Variants in CIDEA observed in about 807,000 individuals in gnomAD.
CIDEA encodes cell death inducing DFFA like effector a.
Under a neutral mutation model 18.2 loss-of-function variants are expected in CIDEA, and 10 were observed. The observed-to-expected ratio is 0.55, with a 90% CI of 0.34 to 0.93. The LOEUF is 0.93. CIDEA is among the 40% of genes least tolerant of loss of function. The probability of loss-of-function intolerance (pLI) is 0.02; values close to 1 mark genes in which losing one functional copy is unlikely to be tolerated. For synonymous variants in CIDEA, 128 were observed against 124.8 expected (o/e 1.03, Z -0.17); for missense variants, 309 against 293.1 (o/e 1.05, Z -0.40).
At chr18:12,258,270 C>T (rs1231801829) in intron 1 of CIDEA, among the ~76,000 whole-genome samples, 2 of 152,138 alleles carry the variant, frequency 1.3e-5, no homozygotes, top group Non-Finnish European at 2.9e-5. Flanking sequence ...AGGTAAAGAC[C>T]GCAGGAACCT....
Position 12,254,956 on chromosome 18 carries a change from G to A in CIDEA, c.38+535G>A, listed in dbSNP as rs148680201. ...CCCAACCGTCCGGCGGAGCCCTCCA[G>A]GTTGGTGGTGCTGGGAGAAGCGCTC... On this transcript the variant is annotated intron_variant, in intron 1 of 4. Transcript: ENST00000320477. 3.3e-6 allele frequency: 4 copies of A among 1,216,058 alleles called. No homozygotes were observed. The African/African-American group carries it at 6.3e-5, about 19-fold the overall frequency. The allele number at this position is 1,216,058 out of a possible 1,614,324, so 75.3% of individuals were successfully genotyped here.
chr18:12,254,487 T>A, intron 1 of CIDEA, 66 bp downstream of exon 1: 1 of 1,566,834 alleles, frequency 6.4e-7, no homozygotes, highest in Non-Finnish European at 8.6e-7. Flanking sequence ...TGGCCTCATA[T>A]TCCCCTGTGC....
chr18:12,265,989 A>T (rs1912337697), intron 3 of CIDEA, among the ~76,000 whole-genome samples: 1 of 152,226 alleles, frequency 6.6e-6, no homozygotes, highest in South Asian at 2.1e-4. Flanking sequence ...AAGAAACATT[A>T]AAAATAATCT....
chr18:12,256,846 A>T (rs1028018201), intron 1 of CIDEA, among the ~76,000 whole-genome samples: 7 of 152,210 alleles, frequency 4.6e-5, no homozygotes, highest in Non-Finnish European at 1.0e-4. Flanking sequence ...CAAAGACTTC[A>T]TGGTCATGTA....
At chr18:12,264,805 T>G (rs922298987) in intron 3 of CIDEA, among the ~76,000 whole-genome samples, 19 of 152,208 alleles carry the variant, frequency 1.2e-4, no homozygotes, top group African/African-American at 4.1e-4. Context: ...CGCCCGCCTC[T>G]GCCTCCCAAA....
Position 12,254,436 on chromosome 18 carries a change from TC to T in CIDEA, c.38+20del. The T allele has an allele frequency of 1.9e-6, 3 of 1,595,740 alleles. No individual in the cohort carries two copies. Among genetic ancestry groups the T allele is most frequent in the African/African-American group, 1.3e-5 (1 of 74,904 alleles). ...GCCCTCATCAGGCGAGTGCCCCGCG[TC>T]CCCCTGATTGCCGTGCGCTTCCAAT... On this transcript the variant is annotated intron_variant, in intron 1 of 4. Transcript: ENST00000320477.
At chr18:12,255,048 A>G (rs903771143) in intron 1 of CIDEA, 1 of 787,550 alleles carries the variant, frequency 1.3e-6, no homozygotes, top group Non-Finnish European at 1.7e-6. Flanking sequence ...GGGCGGGTGG[A>G]CCCTGAGGAG....
intron 2 of CIDEA, 142 bp from the exon 3 acceptor site, chr18:12,264,164 CA>C: frequency 1.4e-6 from 1 of 708,128 alleles, no homozygotes; most frequent in South Asian, 2.7e-5. Flanking sequence ...GAGTCATAGA[CA>C]CAAGTCAAGG....
At chr18:12,254,507 A>G (rs1911957088) in intron 1 of CIDEA, 86 bp downstream of exon 1, 1 of 1,546,360 alleles carries the variant, frequency 6.5e-7, no homozygotes, top group South Asian at 1.2e-5. Flanking sequence ...CGCCTCTAGT[A>G]CCGTACCCCG....
At chr18:12,260,240 A>G (rs1231519127) in intron 1 of CIDEA, among the ~76,000 whole-genome samples, 1 of 152,108 alleles carries the variant, frequency 6.6e-6, no homozygotes, top group East Asian at 1.9e-4. Flanking sequence ...TCTTTTGCCC[A>G]GGCTGGAGTG....
Position 12,274,173 on chromosome 18 carries a change from C to A in CIDEA, c.411C>A (p.Asn137Lys), listed in dbSNP as rs1912636291. 3 of 1,614,102 alleles carry A rather than the reference C, an allele frequency of 1.9e-6. No individual in the cohort carries two copies. The highest frequency in any genetic ancestry group is 1.3e-5 in the African/African-American group (1 of 74,926). ...TCACCTTCGACTTGTACAGGCTGAA[C>A]CCCAAGGACTTCATCGGCTGCCTTA... Reference protein sequence around the residue: ...ARVTFDLYRLNPKDFIGCLNV... With the variant: ...ARVTFDLYRLKPKDFIGCLNV... The change falls in exon 4 of 5, where the codon AAC becomes AAA. Residue 137 changes from asparagine to lysine, a missense_variant. Transcript: ENST00000320477.
At chr18:12,273,958 TATCG>T in intron 3 of CIDEA, 131 bp from the exon 4 acceptor site, 1 of 872,940 alleles carries the variant, frequency 1.1e-6, no homozygotes, top group Non-Finnish European at 1.7e-6. Flanking sequence ...AGCATCTCTC[TATCG>T]ATTAGCCACG....
intron 1 of CIDEA, chr18:12,254,977 C>G: frequency 2.5e-6 from 3 of 1,197,270 alleles, no homozygotes; most frequent in African/African-American, 1.6e-5. Context: ...CTGGGAGAAG[C>G]GCTCCTCCTT....
intron 3 of CIDEA, among the ~76,000 whole-genome samples, chr18:12,272,749 C>A (rs1007147813): frequency 1.5e-5 from 2 of 137,186 alleles, no homozygotes; most frequent in Non-Finnish European, 3.3e-5. Context: ...ATTTTATTTT[C>A]TTTTTCCTTC....
At position 12,272,177 on chromosome 18, in the gene CIDEA, T is replaced by TGGGGGGG. The variant is rs1568105957; in HGVS notation, c.331-1915_331-1914insGGGGGGG. ...GGGGGGGGGGTTGGGGGGGGGTTGT[T>TGGGGGGG]GTTGTTGTTGTTGTTGTTGTTTGGT... On this transcript the variant is annotated intron_variant, in intron 3 of 4. Transcript: ENST00000320477. Among the ~76,000 whole-genome samples, 12 of 6,078 alleles carry TGGGGGGG rather than the reference T, an allele frequency of 2.0e-3. 1 individual carries two copies. The highest frequency in any genetic ancestry group is 2.5e-3 in the Admixed American group (1 of 404). 4.0% of individuals were successfully genotyped at this position (6,078 alleles called of 152,430 possible).
In CIDEA at chr18:12,271,504, G is replaced by T. The variant is rs372037226; in HGVS notation, c.331-2589G>T. Among the ~76,000 whole-genome samples, 10 of 152,216 alleles carry T rather than the reference G, an allele frequency of 6.6e-5. No individual in the cohort carries two copies. In the South Asian group the frequency reaches 1.0e-3, roughly 16 times the overall value. ...ACCTCGGCAGTGGGACAGCATTGGTGTGTGGGTTTCATGCCACTGAGGTTC... is the reference window on the plus strand; with the variant it reads ...ACCTCGGCAGTGGGACAGCATTGGTTTGTGGGTTTCATGCCACTGAGGTTC... On this transcript the variant is annotated intron_variant, in intron 3 of 4. Transcript: ENST00000320477.
rs193257114 is a variant in CIDEA, at chr18:12,261,324, C to A, written c.39-1501C>A. On this transcript the variant is annotated intron_variant, in intron 1 of 4. Transcript: ENST00000320477. ...GCTTGAACCCAGGAGGCGGAAGAATCGCTTGAACCATTCCAGTCTGGGCAA... is the reference window on the plus strand; with the variant it reads ...GCTTGAACCCAGGAGGCGGAAGAATAGCTTGAACCATTCCAGTCTGGGCAA... Among the ~76,000 whole-genome samples the A allele has an allele frequency of 4.6e-5, 7 of 152,134 alleles. No individual in the cohort carries two copies. In the East Asian group the frequency reaches 1.4e-3, roughly 29 times the overall value.
chr18:12,255,523 T>A (rs1264043245), intron 1 of CIDEA, among the ~76,000 whole-genome samples: 1 of 152,188 alleles, frequency 6.6e-6, no homozygotes, highest in African/African-American at 2.4e-5. Flanking sequence ...TCGTGTATGG[T>A]CATTAACACG....
intron 2 of CIDEA, 50 bp from the exon 3 acceptor site, chr18:12,264,257 C>T (rs139339063): frequency 6.7e-7 from 1 of 1,486,158 alleles, no homozygotes; most frequent in Non-Finnish European, 9.0e-7. Context: ...TGGCTGGTCA[C>T]ATGGAAATAC....
Sources: gnomAD v4.1 joint callset for allele counts (sites outside exome capture counted in the v4.1 genomes callset) on GRCh38, gnomAD v4.1.1 for gene constraint, MANE v1.5 for transcripts, NCBI Gene and HGNC (gene_info 2026-07-23, HGNC 2026-07-21) for gene names.